RALYL: variants seen among roughly 807,000 people sequenced by gnomAD.
RALYL encodes the protein RALY RNA binding protein like.
A neutral mutation model predicts 35.1 loss-of-function variants in RALYL; 29 were observed. The ratio of observed to expected loss-of-function variants is 0.83; its 90% CI spans 0.61 to 1.13. The LOEUF (loss-of-function observed/expected upper bound fraction) is 1.13, where lower values mean the gene tolerates loss of function less well. Among genes scored for constraint, RALYL ranks in the 50% most tolerant of loss-of-function variants. RALYL has a pLI of 0.00. For synonymous variants in RALYL, 120 were observed against 127.6 expected (o/e 0.94, Z 0.40); for missense variants, 359 against 360.4 (o/e 1.00, Z 0.03).
At chr8:84,416,421 C>A (rs1044387182) in intron 1 of RALYL, among the ~76,000 whole-genome samples, 1 of 152,008 alleles carries the variant, frequency 6.6e-6, no homozygotes, top group East Asian at 1.9e-4. Flanking sequence ...GAGAAGGTGG[C>A]ATTTAGGAAG....
At chr8:84,290,344 T>C (rs1347399773) in intron 1 of RALYL, among the ~76,000 whole-genome samples, 2 of 152,174 alleles carry the variant, frequency 1.3e-5, no homozygotes, top group Non-Finnish European at 2.9e-5. Context: ...AGGCTTTGTG[T>C]GAGCAACATG....
intron 1 of RALYL, among the ~76,000 whole-genome samples, chr8:84,193,064 C>T (rs1004336210): frequency 1.3e-5 from 2 of 151,644 alleles, no homozygotes; most frequent in African/African-American, 4.8e-5. Context: ...TATTAGTTGC[C>T]ATTGAGAAAA....
chr8:84,812,333 G>T lies in RALYL; in HGVS notation c.365+7531G>T, dbSNP rs538538425. ...TCTGGTACTGGGGGTTGTCTGCAGA[G>T]TCCTGTGATGAAATGGACTCTGTCA... On this transcript the variant is annotated intron_variant, in intron 4 of 8. Transcript: ENST00000521268. Among the ~76,000 whole-genome samples, 11 of 152,272 alleles carry T rather than the reference G, an allele frequency of 7.2e-5. 1 individual carries two copies. The South Asian group carries it at 2.1e-3, about 29-fold the overall frequency.
At chr8:84,670,095 G>T (rs1225745015) in intron 2 of RALYL, among the ~76,000 whole-genome samples, 1 of 150,588 alleles carries the variant, frequency 6.6e-6, no homozygotes, top group African/African-American at 2.4e-5. Context: ...TCATTTTAAG[G>T]CATCTTCTCT....
At chr8:84,285,654 G>T (rs1210143818) in intron 1 of RALYL, among the ~76,000 whole-genome samples, 6 of 152,162 alleles carry the variant, frequency 3.9e-5, no homozygotes, top group African/African-American at 1.2e-4. Context: ...GGGATATCTT[G>T]GGAAGAAGAT....
chr8:84,820,916 C>T (rs531409178), intron 4 of RALYL, among the ~76,000 whole-genome samples: 20 of 152,020 alleles, frequency 1.3e-4, no homozygotes, highest in Non-Finnish European at 2.2e-4. Flanking sequence ...CAATACTGCA[C>T]GAAGAGAGTT....
chr8:84,498,446 G>A (rs943837296), intron 1 of RALYL, among the ~76,000 whole-genome samples: 29 of 151,954 alleles, frequency 1.9e-4, no homozygotes, highest in African/African-American at 6.8e-4. Flanking sequence ...TGACTAAAAA[G>A]CCTCATCGAA....
At chr8:84,383,592 G>A (rs765118836) in intron 1 of RALYL, among the ~76,000 whole-genome samples, 3 of 151,548 alleles carry the variant, frequency 2.0e-5, no homozygotes, top group African/African-American at 4.8e-5. Flanking sequence ...AAAAATATGG[G>A]TCTAATGAAT....
intron 1 of RALYL, among the ~76,000 whole-genome samples, chr8:84,450,228 A>T (rs879591637): frequency 6.6e-6 from 1 of 151,942 alleles, no homozygotes; most frequent in Non-Finnish European, 1.5e-5. Context: ...TTACATATAT[A>T]TTAGGGAATG....
chr8:84,691,565 T>G (rs748906521), intron 2 of RALYL, among the ~76,000 whole-genome samples: 2 of 152,018 alleles, frequency 1.3e-5, no homozygotes, highest in Non-Finnish European at 2.9e-5. Flanking sequence ...CAGCCCCATT[T>G]AATTAAAGAA....
chr8:84,359,059 T>C (rs1852416186), intron 1 of RALYL, among the ~76,000 whole-genome samples: 1 of 152,046 alleles, frequency 6.6e-6, no homozygotes, highest in Admixed American at 6.6e-5. Flanking sequence ...AATTGAAAAG[T>C]ATACACACAT....
rs574774777 is a variant in RALYL at position 84,404,067 on chromosome 8, G to A, written c.-23-125232G>A. ...CTGAAGTTGCTTATCAGCTTAAGGA[G>A]TTTTGGGTCTGAGACAATAGGGTTT... On this transcript the variant is annotated intron_variant, in intron 1 of 8. Coordinates refer to ENST00000521268, the MANE Select transcript of RALYL (RefSeq NM_173848.7). 4.6e-5 allele frequency among the ~76,000 whole-genome samples: 7 copies of A among 151,996 alleles called. No homozygotes were observed. The South Asian group carries it at 1.0e-3, about 22-fold the overall frequency.
At chr8:84,901,752 G>T (rs1411065809) in intron 8 of RALYL, among the ~76,000 whole-genome samples, 1 of 152,120 alleles carries the variant, frequency 6.6e-6, no homozygotes, top group Non-Finnish European at 1.5e-5. Context: ...TCAGGCTGAG[G>T]ATGGACTGAA....
At chr8:84,774,485 C>G (rs1816350205) in intron 2 of RALYL, 94 bp from the exon 3 acceptor site, 1 of 817,520 alleles carries the variant, frequency 1.2e-6, no homozygotes, top group Admixed American at 2.5e-5. Context: ...TTTGCATAAA[C>G]AAATAGTAAA....
chr8:84,292,561 A>G (rs1414847401), intron 1 of RALYL, among the ~76,000 whole-genome samples: 1 of 152,164 alleles, frequency 6.6e-6, no homozygotes, highest in Non-Finnish European at 1.5e-5. Context: ...AACACAAAAT[A>G]CAGGTCATAA....
chr8:84,687,295 T>TATTTC (rs1455001658), intron 2 of RALYL, among the ~76,000 whole-genome samples: 13 of 152,270 alleles, frequency 8.5e-5, no homozygotes, highest in African/African-American at 3.1e-4. Flanking sequence ...TCTATGAGTC[T>TATTTC]ATTTCATTTC....
intron 7 of RALYL, among the ~76,000 whole-genome samples, chr8:84,886,066 T>C (rs1426524900): frequency 1.3e-5 from 2 of 152,094 alleles, no homozygotes; most frequent in African/African-American, 4.8e-5. Context: ...GTAACAAAGC[T>C]AGAGCTAGAA....
chr8:84,702,548 C>T (rs1259414960), intron 2 of RALYL, among the ~76,000 whole-genome samples: 1 of 151,496 alleles, frequency 6.6e-6, no homozygotes, highest in Non-Finnish European at 1.5e-5. Context: ...CTCACACACA[C>T]ACACACACAC....
intron 4 of RALYL, among the ~76,000 whole-genome samples, chr8:84,843,975 G>T (rs567707953): frequency 6.6e-6 from 1 of 152,286 alleles, no homozygotes; most frequent in Admixed American, 6.5e-5. Context: ...ATTCAAGATG[G>T]ATTAAAGACT....
Sources: gnomAD v4.1 joint callset for allele counts (sites outside exome capture counted in the v4.1 genomes callset) on GRCh38, gnomAD v4.1.1 for gene constraint, MANE v1.5 for transcripts, NCBI Gene and HGNC (gene_info 2026-07-23, HGNC 2026-07-21) for gene names.